The following CCDC148 variants were observed in gnomAD, a reference collection of about 807,000 sequenced individuals.
CCDC148 encodes coiled-coil domain-containing protein 148.
Under a neutral mutation model 85.7 loss-of-function variants are expected in CCDC148, and 89 were observed. That is an observed-to-expected ratio of 1.04 (90% confidence interval 0.87 to 1.24). The LOEUF (loss-of-function observed/expected upper bound fraction) is 1.24. Among genes scored for constraint, CCDC148 ranks in the 50% most tolerant of loss-of-function variants. CCDC148 has a pLI of 0.00. For missense variants in CCDC148, 692 were observed against 671.7 expected, an observed-to-expected ratio of 1.03 and a Z score of -0.33; for synonymous variants, 230 against 213.9, an observed-to-expected ratio of 1.08 and a Z score of -0.66.
At chr2:158,450,892 T>C (rs1002688959) in intron 1 of CCDC148, among the ~76,000 whole-genome samples, 54 of 152,190 alleles carry the variant, frequency 3.5e-4, no homozygotes, top group African/African-American at 1.2e-3. Context: ...ATTTTTTCTA[T>C]ACCCTTCTAT....
intron 1 of CCDC148, among the ~76,000 whole-genome samples, chr2:158,429,691 G>C (rs80266135): frequency 0.075 from 11,346 of 152,202 alleles, 568 homozygotes; most frequent in Middle Eastern, 0.11. Context: ...TCTGCTTCTG[G>C]CTATAATGGA....
chr2:158,366,123 A>C (rs1400199448), intron 1 of CCDC148: 8 of 1,305,024 alleles, frequency 6.1e-6, no homozygotes, highest in Non-Finnish European at 8.4e-6. Context: ...TTATTTTATA[A>C]ATGTTTTTAA....
At chr2:158,290,594 T>C (rs1690843250) in intron 9 of CCDC148, among the ~76,000 whole-genome samples, 1 of 152,212 alleles carries the variant, frequency 6.6e-6, no homozygotes, top group Non-Finnish European at 1.5e-5. Context: ...TAGTTCCATC[T>C]AAATTATCAT....
chr2:158,272,700 T>C (rs970646859), intron 9 of CCDC148, among the ~76,000 whole-genome samples: 10 of 152,168 alleles, frequency 6.6e-5, no homozygotes, highest in Admixed American at 1.3e-4. Context: ...GGGGAATCTA[T>C]CTTCTTGGAG....
chr2:158,282,959 C>T lies in CCDC148; in HGVS notation c.1110+26474G>A, dbSNP rs1690405729. ...TAGATCAATGGAACAGAACAGAGCC[C>T]TCGGAAATAACGCTGCATATCTACA... is the stretch of plus-strand genomic sequence containing the variant. On this transcript the variant is annotated intron_variant, in intron 9 of 13. Coordinates refer to ENST00000283233, the MANE Select transcript of CCDC148 (RefSeq NM_138803.4). Among the ~76,000 whole-genome samples, 3 of 152,254 alleles carry T rather than the reference C, an allele frequency of 2.0e-5. 1 individual carries two copies. The South Asian group carries it at 6.2e-4, about 32-fold the overall frequency.
intron 7 of CCDC148, among the ~76,000 whole-genome samples, chr2:158,334,768 T>C (rs1693332950): frequency 6.6e-6 from 1 of 152,020 alleles, no homozygotes; most frequent in Admixed American, 6.6e-5. Context: ...ACACACTCCA[T>C]AGTCACATAG....
intron 9 of CCDC148, among the ~76,000 whole-genome samples, chr2:158,295,336 T>C (rs1182234977): frequency 1.3e-5 from 2 of 151,990 alleles, no homozygotes; most frequent in Non-Finnish European, 2.9e-5. Context: ...ACTATTCCAA[T>C]CAATAGAAAA....
chr2:158,369,855 C>T (rs372898538), intron 1 of CCDC148, among the ~76,000 whole-genome samples: 7 of 151,860 alleles, frequency 4.6e-5, no homozygotes, highest in African/African-American at 1.7e-4. Flanking sequence ...ATCAATACAT[C>T]GTTTGTTAAG....
intron 13 of CCDC148, among the ~76,000 whole-genome samples, chr2:158,175,857 A>G (rs1276421461): frequency 1.3e-5 from 2 of 152,062 alleles, no homozygotes; most frequent in African/African-American, 2.4e-5. Context: ...TGACTGATAT[A>G]TCATCCATCC....
Position 158,216,386 on chromosome 2 carries a change from CTTTTTTTTT to C in CCDC148, c.1370+4200_1370+4208del, listed in dbSNP as rs397697591. 2.1e-3 allele frequency among the ~76,000 whole-genome samples: 125 copies of C among 59,464 alleles called. 1 individual carries two copies. Among genetic ancestry groups the C allele is most frequent in the African/African-American group, 8.7e-3 (122 of 13,988 alleles). 39.0% of individuals were successfully genotyped at this position (59,464 alleles called of 152,430 possible). A position where few individuals can be genotyped will look rare whatever the true frequency, so the allele number is the denominator to read the frequency against. On this transcript the variant is annotated intron_variant, in intron 11 of 13. Transcript: ENST00000283233. ...AAGAACAGCAACAAAAAGCACAATA[CTTTTTTTTT>C]TTTTTTTTTTTTTTTTTTTGAGACG...
intron 9 of CCDC148, among the ~76,000 whole-genome samples, chr2:158,281,449 C>G (rs1690294856): frequency 6.6e-6 from 1 of 152,006 alleles, no homozygotes; most frequent in Non-Finnish European, 1.5e-5. Context: ...GGGGATATCA[C>G]CACCGATCCC....
intron 10 of CCDC148, among the ~76,000 whole-genome samples, chr2:158,237,480 C>G (rs1343700820): frequency 6.6e-6 from 1 of 152,048 alleles, no homozygotes; most frequent in Non-Finnish European, 1.5e-5. Flanking sequence ...AAAGGTACAG[C>G]CTTCTATCCA....
chr2:158,322,082 G>A (rs780606109), intron 7 of CCDC148, among the ~76,000 whole-genome samples: 2 of 152,076 alleles, frequency 1.3e-5, no homozygotes, highest in African/African-American at 2.4e-5. Flanking sequence ...TGTCTGGAAG[G>A]CAATTTACCA....
At position 158,172,207 on chromosome 2, in the gene CCDC148, A is replaced by G; in HGVS notation, c.1682T>C (p.Leu561Pro). ...CTCTTTAGCATAAAGTGTTCTATGAAGTCCAGCTTCTCGAAGTGCTAACTC... is the reference window on the plus strand; with the variant it reads ...CTCTTTAGCATAAAGTGTTCTATGAGGTCCAGCTTCTCGAAGTGCTAACTC... ...RFELALREAG[L>P]HRTLYAKEIL... The change falls in exon 14 of 14, where the codon CTT (leucine) becomes CCT (proline). Residue 561 changes from leucine (L) to proline (P), a missense_variant. Physicochemically the swap from Leu to Pro is moderately conservative, Grantham distance 98. Coordinates refer to ENST00000283233, the MANE Select transcript of CCDC148 (RefSeq NM_138803.4). 6.2e-7 allele frequency: 1 copy of G among 1,609,328 alleles called. No individual in the cohort carries two copies. The highest frequency in any genetic ancestry group is 8.5e-7 in the Non-Finnish European group (1 of 1,177,628).
intron 1 of CCDC148, among the ~76,000 whole-genome samples, chr2:158,412,949 C>G (rs1248442478): frequency 6.6e-6 from 1 of 150,696 alleles, no homozygotes; most frequent in Non-Finnish European, 1.5e-5. Flanking sequence ...TGTGCTGCAC[C>G]CATTAACTCG....
chr2:158,236,939 C>T (rs184212742), intron 10 of CCDC148, among the ~76,000 whole-genome samples: 1 of 152,056 alleles, frequency 6.6e-6, no homozygotes, highest in Non-Finnish European at 1.5e-5. Flanking sequence ...GTGACAAGTG[C>T]TAAGGAAAAA....
At chr2:158,368,004 C>T (rs1684274237) in intron 1 of CCDC148, among the ~76,000 whole-genome samples, 1 of 152,044 alleles carries the variant, frequency 6.6e-6, no homozygotes, top group African/African-American at 2.4e-5. Context: ...AATCATACAC[C>T]TAGTCAGTAG....
intron 2 of CCDC148, among the ~76,000 whole-genome samples, chr2:158,356,765 T>C (rs1559095588): frequency 6.9e-6 from 1 of 144,340 alleles, no homozygotes; most frequent in Non-Finnish European, 1.5e-5. Flanking sequence ...CATGCTGCTA[T>C]AAAGACACAT....
intron 9 of CCDC148, among the ~76,000 whole-genome samples, chr2:158,261,792 T>C (rs989916786): frequency 1.3e-5 from 2 of 151,992 alleles, no homozygotes; most frequent in African/African-American, 4.8e-5. Context: ...ATTAGAGAAA[T>C]GCAAGGCAAA....
Sources: gnomAD v4.1 joint callset for allele counts (sites outside exome capture counted in the v4.1 genomes callset) on GRCh38, gnomAD v4.1.1 for gene constraint, MANE v1.5 for transcripts, NCBI Gene and HGNC (gene_info 2026-07-23, HGNC 2026-07-21) for gene names.